Variants in TPRG1 observed in about 807,000 individuals in gnomAD.
TPRG1 encodes the protein tumor protein p63 regulated 1.
TPRG1 carries 29 observed loss-of-function variants against 29.3 expected under a neutral mutation model. That is an observed-to-expected ratio of 0.99 (90% CI 0.74 to 1.35). TPRG1 has a LOEUF of 1.35. Among genes scored for constraint, TPRG1 ranks in the 40% most tolerant of loss-of-function variants. The pLI, the probability that TPRG1 is intolerant of heterozygous loss-of-function variation, is 0.00. For missense variants in TPRG1, 327 were observed against 335.0 expected, an observed-to-expected ratio of 0.98 and a Z score of 0.19; for synonymous variants, 130 against 116.8, an observed-to-expected ratio of 1.11 and a Z score of -0.73.
intron 4 of TPRG1, among the ~76,000 whole-genome samples, chr3:189,066,270 A>G (rs550840131): frequency 2.0e-5 from 3 of 152,276 alleles, no homozygotes; most frequent in African/African-American, 7.2e-5. Context: ...TCCTACTTAA[A>G]CTATTTCAAT....
rs191086439 is a variant in TPRG1, at chr3:189,121,991, A to G, written c.-743-5066A>G. Reference sequence around the variant, plus strand: ...ATTTTCTTTAGTATCTAGTATTTATATACAATTTATGTTTGTTGATGGGTT... The same window carrying G: ...ATTTTCTTTAGTATCTAGTATTTATGTACAATTTATGTTTGTTGATGGGTT... On this transcript the variant is annotated intron_variant, in intron 1 of 6. Coordinates refer to the TPRG1 transcript ENST00000412373. The G allele has an allele frequency of 1.7e-4, 26 of 152,020 alleles. No individual in the cohort carries two copies. The East Asian group carries it at 5.0e-3, about 29-fold the overall frequency. 9.4% of individuals were successfully genotyped at this position (152,020 alleles called of 1,614,324 possible).
chr3:189,049,954 G>A (rs1715213250), intron 4 of TPRG1, among the ~76,000 whole-genome samples: 1 of 152,078 alleles, frequency 6.6e-6, no homozygotes, highest in East Asian at 1.9e-4. Flanking sequence ...AAAGTTCGTA[G>A]CCCTAAACAC....
intron 1 of TPRG1, among the ~76,000 whole-genome samples, chr3:188,998,021 C>T (rs1711886597): frequency 6.6e-6 from 1 of 152,128 alleles, no homozygotes; most frequent in Non-Finnish European, 1.5e-5. Flanking sequence ...CTCCCTCACT[C>T]ATTTGTTCAA....
chr3:189,302,495 C>T (rs1325615878), intron 4 of TPRG1, among the ~76,000 whole-genome samples: 3 of 152,282 alleles, frequency 2.0e-5, no homozygotes, highest in Non-Finnish European at 1.5e-5. Flanking sequence ...GCTCCGTGTA[C>T]AGAATATGAC....
intron 4 of TPRG1, among the ~76,000 whole-genome samples, chr3:189,271,506 C>T (rs149426553): frequency 2.6e-5 from 4 of 152,314 alleles, no homozygotes; most frequent in Admixed American, 1.3e-4. Context: ...AACATTCAGA[C>T]AAATCTTGAT....
intron 4 of TPRG1, among the ~76,000 whole-genome samples, chr3:189,058,575 G>T (rs879688451): frequency 2.6e-5 from 4 of 152,174 alleles, no homozygotes; most frequent in Admixed American, 6.5e-5. Flanking sequence ...AAGTCAAGGC[G>T]CTGTTAGAAT....
At chr3:189,255,570 A>G (rs962165195) in intron 4 of TPRG1, among the ~76,000 whole-genome samples, 1 of 151,960 alleles carries the variant, frequency 6.6e-6, no homozygotes, top group African/African-American at 2.4e-5. Flanking sequence ...GTATTTTTCT[A>G]TTGTTTGGAA....
At chr3:189,091,167 T>G (rs770700073) in intron 4 of TPRG1, among the ~76,000 whole-genome samples, 3 of 152,130 alleles carry the variant, frequency 2.0e-5, no homozygotes, top group Non-Finnish European at 2.9e-5. Flanking sequence ...ATGTCAACTA[T>G]CATTATGTGG....
intron 4 of TPRG1, among the ~76,000 whole-genome samples, chr3:189,274,782 A>G (rs1715818150): frequency 6.6e-6 from 1 of 152,212 alleles, no homozygotes; most frequent in Non-Finnish European, 1.5e-5. Flanking sequence ...ACATTTGAAG[A>G]TAATCAATTA....
chr3:189,312,151 T>C (rs182727373), intron 5 of TPRG1, among the ~76,000 whole-genome samples: 12,698 of 61,812 alleles, frequency 0.21, 1,532 homozygotes, highest in Middle Eastern at 0.33. Context: ...CTTTCTTTCT[T>C]TCTTTCTTTC....
At chr3:189,286,971 T>C (rs1222459054) in intron 4 of TPRG1, among the ~76,000 whole-genome samples, 2 of 152,106 alleles carry the variant, frequency 1.3e-5, no homozygotes, top group African/African-American at 2.4e-5. Flanking sequence ...TATACAGCTG[T>C]TGAGATTAAC....
At position 189,068,819 on chromosome 3, in the gene TPRG1, G is replaced by A. The variant is rs180768185; in HGVS notation, c.-463+44873G>A. On this transcript the variant is annotated intron_variant, in intron 4 of 10. Transcript: ENST00000433971. ...GGAAGGAAGGGAGGGAGGGAGGAGG[G>A]AGGAGGGAGGACAAGTTTCCATCAT... 2.0e-5 allele frequency among the ~76,000 whole-genome samples: 3 copies of A among 151,206 alleles called. No homozygotes were observed. In the East Asian group the frequency reaches 5.9e-4, roughly 30 times the overall value.
At chr3:189,115,769 A>G (rs747290615) in intron 1 of TPRG1, among the ~76,000 whole-genome samples, 1 of 152,226 alleles carries the variant, frequency 6.6e-6, no homozygotes, top group Non-Finnish European at 1.5e-5. Flanking sequence ...AATTGCATTC[A>G]CTATGGAGGA....
At chr3:189,226,003 A>G (rs1468080005) in intron 3 of TPRG1, among the ~76,000 whole-genome samples, 3 of 152,200 alleles carry the variant, frequency 2.0e-5, no homozygotes, top group Non-Finnish European at 4.4e-5. Context: ...AAAAATACAT[A>G]AAATAAAAAC....
intron 4 of TPRG1, among the ~76,000 whole-genome samples, chr3:189,068,568 C>T (rs944807323): frequency 6.6e-6 from 1 of 152,066 alleles, no homozygotes; most frequent in African/African-American, 2.4e-5. Context: ...CTAGGTCAAG[C>T]GTTTGAGATC....
At chr3:189,081,273 A>G (rs1036918125) in intron 4 of TPRG1, among the ~76,000 whole-genome samples, 4 of 152,088 alleles carry the variant, frequency 2.6e-5, no homozygotes, top group African/African-American at 9.7e-5. Flanking sequence ...GCGTGGGGAG[A>G]GGGATTGTTG....
chr3:189,303,184 A>G (rs939990660), intron 4 of TPRG1, among the ~76,000 whole-genome samples: 2 of 152,222 alleles, frequency 1.3e-5, no homozygotes, highest in Non-Finnish European at 2.9e-5. Context: ...GATGAATAAT[A>G]ACTCCCTTCT....
chr3:189,320,955 T>A lies in TPRG1; in HGVS notation c.*135T>A, dbSNP rs947527836. 1 of 860,096 alleles carries A rather than the reference T, an allele frequency of 1.2e-6. No homozygotes were observed. The highest frequency in any genetic ancestry group is 1.7e-6 in the Non-Finnish European group (1 of 593,818). 53.3% of individuals were successfully genotyped at this position (860,096 alleles called of 1,614,324 possible). ...CTTTATGATTTAGAAATTTAGTATT[T>A]CCGAAAATTTAAAAGCTTGATTGGA... is the stretch of plus-strand genomic sequence containing the variant. On this transcript the variant is annotated 3_prime_UTR_variant, in exon 6 of 6. Transcript: ENST00000345063.
chr3:189,240,922 A>G (rs1251287496), intron 4 of TPRG1, among the ~76,000 whole-genome samples: 1 of 152,206 alleles, frequency 6.6e-6, no homozygotes. Context: ...GGAGGTTTAT[A>G]TAATCATCTA....
Sources: gnomAD v4.1 joint callset for allele counts (sites outside exome capture counted in the v4.1 genomes callset) on GRCh38, gnomAD v4.1.1 for gene constraint, MANE v1.5 for transcripts, NCBI Gene and HGNC (gene_info 2026-07-23, HGNC 2026-07-21) for gene names.